The following RSPH10B variants were observed in gnomAD, a reference collection of about 807,000 sequenced individuals.
The protein encoded by RSPH10B is radial spoke head 10 homolog B (Chlamydomonas).
Under a neutral mutation model 52.5 loss-of-function variants are expected in RSPH10B, and 7 were observed. That is an observed-to-expected ratio of 0.13 (90% CI 0.08 to 0.25). The LOEUF is 0.25. RSPH10B is among the 10% of genes least tolerant of loss of function. The pLI is 1.00. For synonymous variants in RSPH10B, 28 were observed against 193.2 expected (o/e 0.14, Z 7.09); for missense variants, 89 against 542.5 (o/e 0.16, Z 8.30).
At chr7:5,927,885 G>T in intron 18 of RSPH10B, 2 of 451,726 alleles carry the variant, frequency 4.4e-6, no homozygotes, top group South Asian at 2.1e-5. Context: ...GCAGTGAGCT[G>T]AGATCATACC....
chr7:5,931,354 T>G (rs1326309425), intron 17 of RSPH10B, among the ~76,000 whole-genome samples: 1 of 151,368 alleles, frequency 6.6e-6, no homozygotes, highest in Non-Finnish European at 1.5e-5. Flanking sequence ...GGGAGGCCTT[T>G]GAGAGGACAA....
At chr7:5,957,861 G>A (rs751670577) in intron 6 of RSPH10B, 46 bp downstream of exon 8, 33 of 1,407,702 alleles carry the variant, frequency 2.3e-5, no homozygotes, top group African/African-American at 2.1e-4. Context: ...GAGAATCGGC[G>A]GAGCATCCGC....
intron 17 of RSPH10B, 73 bp from the exon 20 acceptor site, chr7:5,928,467 C>A (rs1162117252): frequency 1.9e-6 from 3 of 1,572,882 alleles, no homozygotes; most frequent in Non-Finnish European, 2.6e-6. Flanking sequence ...TGCTTTTTCT[C>A]GTTCTAGCCT....
chr7:5,941,188 GC>G (rs1351562341), intron 13 of RSPH10B, among the ~76,000 whole-genome samples: 1 of 139,408 alleles, frequency 7.2e-6, no homozygotes, highest in Non-Finnish European at 1.6e-5. Flanking sequence ...TGTAGTCCCA[GC>G]TATTCAGGAG....
chr7:5,954,988 T>TAA lies in RSPH10B; in HGVS notation c.957+1015_957+1016dup, dbSNP rs1185408288. ...AACACGGCAAAACCCCTGTAACTAC[T>TAA]AAAAAAAAAAAAAAAAAAAAAAAAA... On this transcript the variant is annotated intron_variant, in intron 7 of 18. Coordinates refer to ENST00000337579, the Ensembl canonical transcript of RSPH10B. Among the ~76,000 whole-genome samples, 60 of 24,162 alleles carry TAA rather than the reference T, an allele frequency of 2.5e-3. 3 individuals carry two copies. The highest frequency in any genetic ancestry group is 2.9e-3 in the Non-Finnish European group (42 of 14,566). 15.9% of individuals were successfully genotyped at this position (24,162 alleles called of 152,430 possible).
rs1427545237 is a variant in RSPH10B, at chr7:5,944,213, A to G, written c.1530-223T>C. Among the ~76,000 whole-genome samples, 6 of 151,186 alleles carry G rather than the reference A, an allele frequency of 4.0e-5. 1 individual carries two copies. Among genetic ancestry groups the G allele is most frequent in the Non-Finnish European group, 7.4e-5 (5 of 67,932 alleles). On this transcript the variant is annotated intron_variant, in intron 11 of 18. Transcript: ENST00000337579. ...GGAGTTTAAGACCAGCCTGGCCAAC[A>G]TGGTGGAACCCCATCTCCACTAAAA...
chr7:5,967,221 T>C (rs1781136381), upstream of RSPH10B: 2 of 321,744 alleles, frequency 6.2e-6, 1 homozygote, highest in Non-Finnish European at 1.1e-5. Flanking sequence ...AAAAATTACG[T>C]CTCCAAACAC....
chr7:5,927,164 A>G (rs1779537769), intron 18 of RSPH10B, among the ~76,000 whole-genome samples: 1 of 139,182 alleles, frequency 7.2e-6, no homozygotes, highest in Admixed American at 7.3e-5. Context: ...CAAACAAATC[A>G]CTGCAGCCTC....
At chr7:5,927,090 G>C (rs1315863356) in intron 18 of RSPH10B, among the ~76,000 whole-genome samples, 1 of 74,432 alleles carries the variant, frequency 1.3e-5, no homozygotes, top group Non-Finnish European at 2.7e-5. Context: ...GTGTGTGTGT[G>C]TGTGTGTATT....
At chr7:5,964,190 G>A (rs1373695363) in intron 3 of RSPH10B, among the ~76,000 whole-genome samples, 3 of 149,072 alleles carry the variant, frequency 2.0e-5, no homozygotes, top group Admixed American at 6.7e-5. Flanking sequence ...TGTTATGATC[G>A]TACCACTATA....
At chr7:5,929,228 G>A in intron 17 of RSPH10B, among the ~76,000 whole-genome samples, 1 of 144,634 alleles carries the variant, frequency 6.9e-6, no homozygotes, top group East Asian at 2.4e-4. Flanking sequence ...CATCCAGGCT[G>A]GAGTGCAGTG....
chr7:5,942,415 GA>G (rs1165297219), intron 13 of RSPH10B, among the ~76,000 whole-genome samples: 2 of 130,702 alleles, frequency 1.5e-5, no homozygotes, highest in African/African-American at 5.7e-5. Flanking sequence ...TTTTTGTAGA[GA>G]GGGGGATCTC....
chr7:5,933,701 A>G (rs76559226), intron 16 of RSPH10B, among the ~76,000 whole-genome samples: 14,957 of 134,308 alleles, frequency 0.11, 562 homozygotes, highest in East Asian at 0.37. Flanking sequence ...CAGAGCTTGC[A>G]ATGAGCCGAG....
At chr7:5,943,195 A>T (rs1458501529) in intron 13 of RSPH10B, 129 bp downstream of exon 15, 1 of 1,525,292 alleles carries the variant, frequency 6.6e-7, no homozygotes, top group Non-Finnish European at 8.8e-7. Flanking sequence ...TAAACATTTA[A>T]TGGTCCTGAA....
At chr7:5,957,700 G>T (rs1780773097) in intron 6 of RSPH10B, among the ~76,000 whole-genome samples, 1 of 104,914 alleles carries the variant, frequency 9.5e-6, no homozygotes, top group Non-Finnish European at 1.9e-5. Flanking sequence ...AGAGGCTGAG[G>T]CAGGAGAATT....
intron 11 of RSPH10B, among the ~76,000 whole-genome samples, chr7:5,944,318 A>G (rs908604331): frequency 3.3e-5 from 5 of 150,932 alleles, no homozygotes; most frequent in African/African-American, 9.8e-5. Flanking sequence ...GAATCACTGG[A>G]ACCTGGGAGG....
chr7:5,927,098 AT>A (rs1232040567), intron 18 of RSPH10B, among the ~76,000 whole-genome samples: 10,109 of 72,236 alleles, frequency 0.14, 217 homozygotes, highest in Non-Finnish European at 0.19. Flanking sequence ...GTGTGTGTGT[AT>A]TTTTTTTTTT....
intron 17 of RSPH10B, among the ~76,000 whole-genome samples, chr7:5,928,635 T>A (rs561186153): frequency 1.2e-4 from 5 of 40,200 alleles, no homozygotes; most frequent in Non-Finnish European, 2.3e-4. Context: ...TTCTTTTTTG[T>A]TTTTTTTTTT....
intron 18 of RSPH10B, among the ~76,000 whole-genome samples, chr7:5,927,022 C>CGTGTGTGTGTGTGTGTGTGTGTGT (rs373901374): frequency 9.4e-5 from 9 of 96,002 alleles, no homozygotes; most frequent in African/African-American, 3.8e-4. Context: ...CCCAAAGTTA[C>CGTGTGTGTGTGTGTGTGTGTGTGT]GTGTGTGTGT....
Sources: gnomAD v4.1 joint callset for allele counts (sites outside exome capture counted in the v4.1 genomes callset) on GRCh38, gnomAD v4.1.1 for gene constraint, MANE v1.5 for transcripts, NCBI Gene and HGNC (gene_info 2026-07-23, HGNC 2026-07-21) for gene names.